Variants in SEMA6A observed in about 807,000 individuals in gnomAD.
SEMA6A encodes the protein semaphorin 6A, also known as semaphorin-6A.
Under a neutral mutation model 96.8 loss-of-function variants are expected in SEMA6A, and 25 were observed. That is an observed-to-expected ratio of 0.26 (90% confidence interval 0.19 to 0.36). SEMA6A has a LOEUF of 0.36. SEMA6A is among the 10% of genes least tolerant of loss of function. The pLI is 1.00. For synonymous variants in SEMA6A, 612 were observed against 518.0 expected (o/e 1.18, Z -2.46); for missense variants, 1,363 against 1,323.1 (o/e 1.03, Z -0.47).
At chr5:116,536,866 TAAAAAAAAAAAAAAA>T (rs72214884) in intron 1 of SEMA6A, among the ~76,000 whole-genome samples, 13 of 69,478 alleles carry the variant, frequency 1.9e-4, no homozygotes, top group African/African-American at 3.3e-4. Flanking sequence ...TGTGATTTCT[TAAAAAAAAAAAAAAA>T]AAAAAAAAAA....
At chr5:116,558,826 C>T (rs1227781168) in intron 1 of SEMA6A, among the ~76,000 whole-genome samples, 2 of 152,194 alleles carry the variant, frequency 1.3e-5, no homozygotes, top group Non-Finnish European at 2.9e-5. Flanking sequence ...TGAATTACAT[C>T]GTCTGCAACA....
Position 116,528,072 on chromosome 5 carries a change from A to G in SEMA6A, c.-38-23090T>C, listed in dbSNP as rs145733167. Among the ~76,000 whole-genome samples the G allele has an allele frequency of 1.9e-3, 289 of 152,334 alleles. 3 individuals carry two copies. The highest frequency in any genetic ancestry group is 6.4e-3 in the African/African-American group (266 of 41,568). ...TTTAGGTGAATCTAGTTGTAAAGCA[A>G]TTTAGAACTCTCCAGGAACAGTAGA... is the stretch of plus-strand genomic sequence containing the variant. On this transcript the variant is annotated intron_variant, in intron 1 of 18. Coordinates refer to ENST00000343348, the MANE Select transcript of SEMA6A (RefSeq NM_020796.5).
intron 18 of SEMA6A, among the ~76,000 whole-genome samples, chr5:116,460,454 T>A (rs1755311966): frequency 6.6e-6 from 1 of 152,212 alleles, no homozygotes; most frequent in African/African-American, 2.4e-5. Flanking sequence ...AGATCTTATA[T>A]ATTCACTGAG....
chr5:116,477,722 G>T (rs181573714), intron 15 of SEMA6A, 124 bp downstream of exon 15: 3 of 900,734 alleles, frequency 3.3e-6, no homozygotes, highest in African/African-American at 1.6e-5. Flanking sequence ...AAGGCTGACA[G>T]TCCCGTTGCT....
chr5:116,566,593 G>A (rs1160829382), intron 1 of SEMA6A, among the ~76,000 whole-genome samples: 1 of 152,158 alleles, frequency 6.6e-6, no homozygotes, highest in East Asian at 1.9e-4. Context: ...AAGCCATGGA[G>A]GCATTCCTGG....
chr5:116,465,395 A>T (rs1312362114), intron 18 of SEMA6A, among the ~76,000 whole-genome samples: 2 of 152,230 alleles, frequency 1.3e-5, no homozygotes, highest in African/African-American at 2.4e-5. Context: ...TGATAAAAGG[A>T]ACATTAAGCT....
chr5:116,456,362 A>C (rs1755010881), intron 18 of SEMA6A, among the ~76,000 whole-genome samples: 1 of 152,182 alleles, frequency 6.6e-6, no homozygotes, highest in Non-Finnish European at 1.5e-5. Flanking sequence ...AATAACATAA[A>C]TAATATTCCA....
At chr5:116,572,114 G>A (rs933220143) in intron 1 of SEMA6A, among the ~76,000 whole-genome samples, 1 of 152,152 alleles carries the variant, frequency 6.6e-6, no homozygotes, top group Non-Finnish European at 1.5e-5. Flanking sequence ...TTAAAAACCA[G>A]CGCTGGGGGG....
At chr5:116,526,797 C>A (rs1339388972) in intron 1 of SEMA6A, among the ~76,000 whole-genome samples, 1 of 152,046 alleles carries the variant, frequency 6.6e-6, no homozygotes, top group African/African-American at 2.4e-5. Context: ...CAGACTGACA[C>A]CCAGCATTTG....
intron 18 of SEMA6A, among the ~76,000 whole-genome samples, chr5:116,465,464 C>A (rs1006454593): frequency 2.0e-5 from 3 of 152,162 alleles, no homozygotes; most frequent in African/African-American, 4.8e-5. Context: ...ATCAAACATA[C>A]AACCAATCAC....
intron 1 of SEMA6A, among the ~76,000 whole-genome samples, chr5:116,569,213 G>C (rs925517880): frequency 9.2e-5 from 14 of 152,076 alleles, no homozygotes; most frequent in Non-Finnish European, 1.9e-4. Context: ...GTAAATAAGG[G>C]GATCAAAAGG....
chr5:116,479,984 G>A lies in SEMA6A; in HGVS notation c.1250+138C>T, dbSNP rs910878700. The A allele has an allele frequency of 6.2e-6, 6 of 967,826 alleles. No individual in the cohort carries two copies. In the African/African-American group the frequency reaches 6.5e-5, roughly 11 times the overall value. The allele number at this position is 967,826 out of a possible 1,614,324, so 60.0% of individuals were successfully genotyped here. A position where few individuals can be genotyped will look rare whatever the true frequency, so the allele number is the denominator to read the frequency against. On this transcript the variant is annotated intron_variant, in intron 12 of 18. Coordinates refer to ENST00000343348, the MANE Select transcript of SEMA6A (RefSeq NM_020796.5). ...GGGTTTAGTGGTATCCAACCAATCG[G>A]CCACCATTTCACAGCTGAATGAATG...
intron 2 of SEMA6A, among the ~76,000 whole-genome samples, chr5:116,503,829 A>G (rs1758016182): frequency 6.6e-6 from 1 of 152,112 alleles, no homozygotes; most frequent in African/African-American, 2.4e-5. Flanking sequence ...AGTCCCTTCT[A>G]TACTCGGGCA....
At chr5:116,561,062 C>T (rs941718442) in intron 1 of SEMA6A, among the ~76,000 whole-genome samples, 1 of 152,050 alleles carries the variant, frequency 6.6e-6, no homozygotes, top group East Asian at 1.9e-4. Context: ...TGGTTTGGGA[C>T]CTTGTCCACA....
intron 3 of SEMA6A, among the ~76,000 whole-genome samples, chr5:116,500,493 T>C (rs1170982451): frequency 1.3e-5 from 2 of 152,214 alleles, no homozygotes; most frequent in African/African-American, 4.8e-5. Context: ...GCATACTAGT[T>C]GTATATACTG....
intron 1 of SEMA6A, among the ~76,000 whole-genome samples, chr5:116,516,783 G>C (rs143520511): frequency 3.1e-4 from 47 of 152,246 alleles, no homozygotes; most frequent in African/African-American, 1.1e-3. Context: ...TGCTTCCTTA[G>C]AGCGAATGAA....
At chr5:116,455,331 T>C (rs752433715) in intron 18 of SEMA6A, among the ~76,000 whole-genome samples, 7 of 152,224 alleles carry the variant, frequency 4.6e-5, no homozygotes, top group Admixed American at 1.3e-4. Context: ...TGTGGTTTCA[T>C]GTGTTAGAAC....
At chr5:116,473,996 T>C (rs889899035) in intron 16 of SEMA6A, among the ~76,000 whole-genome samples, 8 of 152,020 alleles carry the variant, frequency 5.3e-5, no homozygotes, top group African/African-American at 1.9e-4. Flanking sequence ...AAATAAAGAG[T>C]AAAGCACAGG....
intron 1 of SEMA6A, among the ~76,000 whole-genome samples, chr5:116,570,761 C>G (rs1365458849): frequency 1.3e-5 from 2 of 152,214 alleles, no homozygotes; most frequent in Admixed American, 1.3e-4. Flanking sequence ...TGACTTAACT[C>G]CTGGTTCAAA....
Sources: allele counts gnomAD v4.1 joint callset (sites outside exome capture counted in the v4.1 genomes callset), GRCh38; gene constraint gnomAD v4.1.1; transcripts MANE v1.5; gene names NCBI Gene and HGNC (gene_info 2026-07-23, HGNC 2026-07-21).